The following RAB30 variants were observed in gnomAD, a reference collection of about 807,000 sequenced individuals.
The protein encoded by RAB30 is ras-related protein Rab-30.
A neutral mutation model predicts 25.1 loss-of-function variants in RAB30; 9 were observed. The observed-to-expected ratio is 0.36, with a 90% confidence interval of 0.22 to 0.63. The LOEUF is 0.63. RAB30 is among the 20% of genes least tolerant of loss of function. RAB30 has a pLI of 0.69. For missense variants in RAB30, 140 were observed against 243.5 expected (o/e 0.58, Z 2.83); for synonymous variants, 77 against 86.4 (o/e 0.89, Z 0.60).
At chr11:83,042,805 G>A (rs535349944) in intron 1 of RAB30, among the ~76,000 whole-genome samples, 1 of 152,246 alleles carries the variant, frequency 6.6e-6, no homozygotes, top group East Asian at 1.9e-4. Context: ...CAGATTGTGA[G>A]ATATTGTTAA....
At chr11:83,000,128 AAG>A (rs1370354956) in intron 1 of RAB30, among the ~76,000 whole-genome samples, 2 of 152,150 alleles carry the variant, frequency 1.3e-5, no homozygotes, top group East Asian at 3.8e-4. Flanking sequence ...GCTGAGACAC[AAG>A]AGAAGTTAAA....
intron 1 of RAB30, among the ~76,000 whole-genome samples, chr11:83,006,890 A>C (rs1026768690): frequency 6.6e-6 from 1 of 152,210 alleles, no homozygotes. Context: ...TTTCAGACCA[A>C]CTTCCCTCAA....
intron 1 of RAB30, among the ~76,000 whole-genome samples, chr11:83,006,432 G>C (rs1857186701): frequency 1.3e-5 from 2 of 152,186 alleles, no homozygotes; most frequent in African/African-American, 4.8e-5. Context: ...GCAAAGAATG[G>C]TGTGTTTACA....
At chr11:83,036,359 G>T (rs545886103) in intron 1 of RAB30, among the ~76,000 whole-genome samples, 6 of 152,136 alleles carry the variant, frequency 3.9e-5, no homozygotes, top group African/African-American at 1.4e-4. Flanking sequence ...TGGAGACAAG[G>T]TTTTATTATG....
At chr11:83,035,126 T>A (rs1857959627) in intron 1 of RAB30, among the ~76,000 whole-genome samples, 1 of 151,414 alleles carries the variant, frequency 6.6e-6, no homozygotes, top group African/African-American at 2.4e-5. Context: ...GAGCAAACTA[T>A]GGCTCAGACA....
chr11:83,064,572 T>C (rs925731830), intron 1 of RAB30, among the ~76,000 whole-genome samples: 4 of 152,234 alleles, frequency 2.6e-5, no homozygotes, highest in Admixed American at 1.3e-4. Flanking sequence ...AATACAGGAT[T>C]GTATTTAGAA....
chr11:83,041,298 C>A, intron 1 of RAB30: 1 of 182,204 alleles, frequency 5.5e-6, no homozygotes. Flanking sequence ...TGTGGAGGGC[C>A]TCAATCACAT....
At chr11:83,022,307 A>G (rs114019682) in intron 1 of RAB30, among the ~76,000 whole-genome samples, 1,533 of 152,234 alleles carry the variant, frequency 0.01, 17 homozygotes, top group Middle Eastern at 0.044. Flanking sequence ...CTACAAGCAC[A>G]TGCCACCACA....
At position 82,997,463 on chromosome 11, in the gene RAB30, G is replaced by T. The variant is rs1473014954; in HGVS notation, c.-8-139C>A. The T allele has an allele frequency of 4.8e-6, 3 of 627,700 alleles. No homozygotes were observed. In the African/African-American group the frequency reaches 5.5e-5, roughly 11 times the overall value. 38.9% of individuals were successfully genotyped at this position (627,700 alleles called of 1,614,324 possible). A position where few individuals can be genotyped will look rare whatever the true frequency, so the allele number is the denominator to read the frequency against. The stretch of plus-strand genomic sequence containing the variant: ...TTTAAAGCTCCCCTCCGGTGACCCT[G>T]CCAGCTAGACAGAAACACAGGTGTT... On this transcript the variant is annotated intron_variant, in intron 1 of 4. Coordinates refer to ENST00000527633, the MANE Select transcript of RAB30 (RefSeq NM_001286060.2).
chr11:83,015,589 C>T (rs1224733185), intron 1 of RAB30, among the ~76,000 whole-genome samples: 3 of 152,000 alleles, frequency 2.0e-5, no homozygotes. Flanking sequence ...GAGTCTGAGG[C>T]TAAAGATACA....
chr11:83,031,820 C>A (rs190406788), intron 1 of RAB30, among the ~76,000 whole-genome samples: 34 of 152,328 alleles, frequency 2.2e-4, no homozygotes, highest in African/African-American at 5.8e-4. Context: ...AGCCACCAGG[C>A]CTGGCCTGCA....
chr11:83,025,177 C>T (rs1286409909), intron 1 of RAB30, among the ~76,000 whole-genome samples: 1 of 152,180 alleles, frequency 6.6e-6, no homozygotes, highest in African/African-American at 2.4e-5. Flanking sequence ...TTTTTAACAA[C>T]AAAATCAGCA....
In RAB30 at chr11:82,979,232, T is replaced by C. The variant is rs923845545; in HGVS notation, c.*2933A>G. 1 of 152,154 alleles carries C rather than the reference T, an allele frequency of 6.6e-6. No homozygotes were observed. The highest frequency in any genetic ancestry group is 2.4e-5 in the African/African-American group (1 of 41,442). The allele number at this position is 152,154 out of a possible 1,614,324, so 9.4% of individuals were successfully genotyped here. A position where few individuals can be genotyped will look rare whatever the true frequency, so the allele number is the denominator to read the frequency against. On this transcript the variant is annotated 3_prime_UTR_variant, in exon 5 of 5. Transcript: ENST00000527633. Reference sequence around the variant, plus strand: ...TTTTCCCAAGCCTGACTCCATGACATGAGTATCATGCATTTTCACTGGAAA... The same window carrying C: ...TTTTCCCAAGCCTGACTCCATGACACGAGTATCATGCATTTTCACTGGAAA...
intron 1 of RAB30, among the ~76,000 whole-genome samples, chr11:83,000,087 C>T (rs1312322130): frequency 1.3e-5 from 2 of 152,156 alleles, no homozygotes; most frequent in Middle Eastern, 3.2e-3. Context: ...GGACGCTATA[C>T]TATTAGTATC....
In RAB30 at chr11:83,065,286, A is replaced by G. The variant is rs530431199; in HGVS notation, c.-9+6405T>C. ...ACACCTGTGGTCCCCACTGCTCAGG[A>G]GTCTGAGATGGGAGGATCCCTTGAG... On this transcript the variant is annotated intron_variant, in intron 1 of 4. Transcript: ENST00000527633. Among the ~76,000 whole-genome samples the G allele has an allele frequency of 5.3e-5, 8 of 152,202 alleles. No individual in the cohort carries two copies. The East Asian group carries it at 1.4e-3, about 26-fold the overall frequency.
chr11:83,045,505 C>A (rs1351850145), intron 1 of RAB30, among the ~76,000 whole-genome samples: 1 of 152,194 alleles, frequency 6.6e-6, no homozygotes, highest in Non-Finnish European at 1.5e-5. Flanking sequence ...GGCATACCCA[C>A]TGCCCACCAG....
At position 82,994,131 on chromosome 11, in the gene RAB30, G is replaced by A; in HGVS notation, c.94-9C>T. 1 of 1,585,634 alleles carries A rather than the reference G, an allele frequency of 6.3e-7. No individual in the cohort carries two copies. Among genetic ancestry groups the A allele is most frequent in the Non-Finnish European group, 8.7e-7 (1 of 1,155,790 alleles). ...CCTGGGGGGAAAAGACCCTGAAGAAGAAATAATAGAAAAGAACAGCTAAGC... is the reference window on the plus strand; with the variant it reads ...CCTGGGGGGAAAAGACCCTGAAGAAAAAATAATAGAAAAGAACAGCTAAGC... On this transcript the variant is annotated splice_polypyrimidine_tract_variant and intron_variant, in intron 2 of 4. Coordinates refer to ENST00000527633, the MANE Select transcript of RAB30 (RefSeq NM_001286060.2).
At chr11:83,057,348 T>C (rs1858478341) in intron 1 of RAB30, among the ~76,000 whole-genome samples, 1 of 152,218 alleles carries the variant, frequency 6.6e-6, no homozygotes, top group Non-Finnish European at 1.5e-5. Context: ...TTGAGCTCTC[T>C]ACCCAACTTC....
chr11:83,004,468 G>T (rs1400540319), intron 1 of RAB30, among the ~76,000 whole-genome samples: 4 of 152,168 alleles, frequency 2.6e-5, no homozygotes, highest in African/African-American at 9.7e-5. Flanking sequence ...CACCATGCTT[G>T]CCCAGAAGCT....
Sources: allele counts gnomAD v4.1 joint callset (sites outside exome capture counted in the v4.1 genomes callset), GRCh38; gene constraint gnomAD v4.1.1; transcripts MANE v1.5; gene names NCBI Gene and HGNC (gene_info 2026-07-23, HGNC 2026-07-21).